NPRL3: variants seen among roughly 807,000 people sequenced by gnomAD.
The protein encoded by NPRL3 is NPR3 like, GATOR1 complex subunit, also known as GATOR1 complex protein NPRL3.
Under a neutral mutation model 57.2 loss-of-function variants are expected in NPRL3, and 23 were observed. The observed-to-expected ratio is 0.40, with a 90% CI of 0.29 to 0.57. The LOEUF is 0.57. Among genes scored for constraint, NPRL3 ranks in the 20% least tolerant of loss-of-function variants. The pLI is 0.42. For synonymous variants in NPRL3, 333 were observed against 321.1 expected (o/e 1.04, Z -0.39); for missense variants, 691 against 767.1 (o/e 0.90, Z 1.17).
Position 85,811 on chromosome 16 carries a change from GT to G in NPRL3, c.*893del. On this transcript the variant is annotated 3_prime_UTR_variant, in exon 14 of 14. Transcript: ENST00000611875. ...CCTGCCCAGACAAGATTTTTTAATTGTTTAAAAACCGAATAAATGTTTTATT... is the reference window on the plus strand; with the variant it reads ...CCTGCCCAGACAAGATTTTTTAATTGTTAAAAACCGAATAAATGTTTTATT... The G allele has an allele frequency of 6.9e-7, 1 of 1,452,584 alleles. No individual in the cohort carries two copies. The highest frequency in any genetic ancestry group is 9.1e-7 in the Non-Finnish European group (1 of 1,100,598). The allele number at this position is 1,452,584 out of a possible 1,614,324, so 90.0% of individuals were successfully genotyped here.
chr16:85,962 G>A lies in NPRL3; in HGVS notation c.*743C>T. On this transcript the variant is annotated 3_prime_UTR_variant, in exon 14 of 14. Transcript: ENST00000611875. ...TAGCGCCAGGCCCGGTGTGGATGCT[G>A]GGGAGAATCATCAGTGTGGGAGCCG... 1 of 681,778 alleles carries A rather than the reference G, an allele frequency of 1.5e-6. No homozygotes were observed. The highest frequency in any genetic ancestry group is 4.9e-5 in the South Asian group (1 of 20,508). The allele number at this position is 681,778 out of a possible 1,614,324, so 42.2% of individuals were successfully genotyped here.
chr16:118,485 G>C (rs909798417), intron 4 of NPRL3, among the ~76,000 whole-genome samples: 12 of 152,054 alleles, frequency 7.9e-5, no homozygotes. Flanking sequence ...AAAATTCAAG[G>C]GTTTCACGAT....
chr16:97,159 C>T (rs568627473), intron 9 of NPRL3, among the ~76,000 whole-genome samples: 81 of 152,358 alleles, frequency 5.3e-4, no homozygotes, highest in African/African-American at 1.9e-3. Flanking sequence ...TCAATGGTCC[C>T]GTGGCTCTGG....
chr16:134,694 A>ATTTTTTTTTTTT (rs34425237), intron 2 of NPRL3, among the ~76,000 whole-genome samples: 2 of 103,412 alleles, frequency 1.9e-5, no homozygotes, highest in African/African-American at 3.4e-5. Context: ...AATTATTATT[A>ATTTTTTTTTTTT]TTTTTTTTTT....
chr16:119,311 T>C (rs1387112535), intron 3 of NPRL3, 56 bp from the exon 4 acceptor site: 3 of 1,529,130 alleles, frequency 2.0e-6, no homozygotes, highest in Middle Eastern at 1.7e-4. Flanking sequence ...CACAGCACCA[T>C]GCCCTGCTGG....
At position 89,886 on chromosome 16, in the gene NPRL3, A is replaced by G; in HGVS notation, c.1178T>C (p.Met393Thr). ...CCGGCGCTGCAGCATCCACACCACC[A>G]TCTGGATGAGCTGGGTCTGCGGGTG... ...PAVQETQLIQ[M>T]VVWMLQRRLL... The change falls in exon 12 of 14, where the codon ATG becomes ACG. Residue 393 changes from methionine (M) to threonine (T), a missense_variant. Met to Thr is a moderately conservative substitution (Grantham distance 81). Transcript: ENST00000611875. 1.3e-6 allele frequency: 2 copies of G among 1,551,934 alleles called. No individual in the cohort carries two copies. The highest frequency in any genetic ancestry group is 2.4e-5 in the East Asian group (1 of 40,834).
intron 3 of NPRL3, among the ~76,000 whole-genome samples, chr16:122,445 CAG>C (rs1291421374): frequency 2.2e-4 from 33 of 152,126 alleles, no homozygotes; most frequent in Admixed American, 2.1e-3. Flanking sequence ...CACATAAAGA[CAG>C]AGTTATATTC....
chr16:120,676 G>A (rs1900244669), intron 3 of NPRL3, among the ~76,000 whole-genome samples: 1 of 152,138 alleles, frequency 6.6e-6, no homozygotes, highest in African/African-American at 2.4e-5. Context: ...GGTTGCAGTT[G>A]GACCTTCTGA....
intron 2 of NPRL3, among the ~76,000 whole-genome samples, chr16:132,561 T>C (rs1900857531): frequency 6.6e-6 from 1 of 152,274 alleles, no homozygotes; most frequent in Admixed American, 6.5e-5. Context: ...ATGTTCTTAA[T>C]GGCATCTATA....
chr16:112,576 C>T (rs770619319), intron 6 of NPRL3, 46 bp downstream of exon 6: 3 of 1,447,030 alleles, frequency 2.1e-6, no homozygotes, highest in Non-Finnish European at 2.8e-6. Context: ...GCAGAGAGGC[C>T]ACCAGCCAGC....
At chr16:121,797 G>T (rs973224860) in intron 3 of NPRL3, among the ~76,000 whole-genome samples, 1 of 151,760 alleles carries the variant, frequency 6.6e-6, no homozygotes, top group Admixed American at 6.6e-5. Context: ...TTTTTGAGAC[G>T]AAGTCTTGCT....
intron 7 of NPRL3, among the ~76,000 whole-genome samples, chr16:107,363 G>A (rs1157652396): frequency 3.1e-3 from 7 of 2,274 alleles, no homozygotes; most frequent in South Asian, 0.029. Context: ...TAAAGTCAAC[G>A]AGCCGGGCAC....
rs78578728 is a variant in NPRL3, at chr16:97,935, G to A, written c.924+210C>T. Among the ~76,000 whole-genome samples the A allele has an allele frequency of 0.019, 2,848 of 152,220 alleles. 89 individuals are homozygous for A. Among genetic ancestry groups the A allele is most frequent in the African/African-American group, 0.062 (2,589 of 41,502 alleles). On this transcript the variant is annotated intron_variant, in intron 9 of 13. Transcript: ENST00000611875. ...TGAGACAGAAGAACAAGTCAGTCCC[G>A]TGGCTCACTCACAAAGCCAGCCCTG...
intron 11 of NPRL3, among the ~76,000 whole-genome samples, chr16:91,255 T>C (rs1898752320): frequency 1.3e-5 from 2 of 151,742 alleles, no homozygotes. Flanking sequence ...GGCGGGCACC[T>C]GTAAACCCAG....
rs755120736 is a variant in NPRL3 at position 112,634 on chromosome 16, C to T, written c.535G>A (p.Ala179Thr). The change falls in exon 6 of 14, where the codon GCC becomes ACC. Residue 179 changes from alanine (A) to threonine (T), a missense_variant. Ala to Thr is a moderately conservative substitution (Grantham distance 58). Transcript: ENST00000611875. The part of the protein sequence containing the change: ...LILALQDEVS[A>T]MADGNEGPQS... ...CTGCTGCACTCACCATCAGCCATGGCGGACACCTCATCCTGGAGCGCCAGG... is the reference window on the plus strand; with the variant it reads ...CTGCTGCACTCACCATCAGCCATGGTGGACACCTCATCCTGGAGCGCCAGG... The T allele has an allele frequency of 5.0e-6, 8 of 1,587,714 alleles. No homozygotes were observed. Among genetic ancestry groups the T allele is most frequent in the African/African-American group, 1.3e-5 (1 of 74,340 alleles).
At chr16:90,009 G>C (rs207475736) in intron 11 of NPRL3, 107 bp from the exon 12 acceptor site, 9 of 1,070,852 alleles carry the variant, frequency 8.4e-6, no homozygotes, top group East Asian at 3.0e-5. Context: ...TCCCTGTGCT[G>C]ACGCACAGGC....
intron 9 of NPRL3, 121 bp downstream of exon 9, chr16:98,024 T>A: frequency 8.0e-7 from 1 of 1,252,068 alleles, no homozygotes. Flanking sequence ...CACCCCATGG[T>A]GGGCTGTGCC....
Position 86,807 on chromosome 16 carries a change from C to T in NPRL3, c.1608G>A (p.Arg536=), listed in dbSNP as rs1298033618. ...LEEIMYNENT[R]RSQLLMLFDK... ...CAAACAGCATGAGCAGCTGGGAGCG[C>T]CGCGTGTTCTCGTTGTACATAATCT... The change falls in exon 14 of 14, where the codon CGG becomes CGA. Residue 536 remains arginine, a synonymous_variant. Coordinates refer to ENST00000611875, the MANE Select transcript of NPRL3 (RefSeq NM_001077350.3). 1 of 1,612,588 alleles carries T rather than the reference C, an allele frequency of 6.2e-7. No individual in the cohort carries two copies.
At chr16:132,651 C>A (rs1434842936) in intron 2 of NPRL3, among the ~76,000 whole-genome samples, 1 of 151,854 alleles carries the variant, frequency 6.6e-6, no homozygotes, top group Non-Finnish European at 1.5e-5. Flanking sequence ...GCAGCTATAG[C>A]CTTACAAATT....
Sources: allele counts gnomAD v4.1 joint callset (sites outside exome capture counted in the v4.1 genomes callset), GRCh38; gene constraint gnomAD v4.1.1; transcripts MANE v1.5; gene names NCBI Gene and HGNC (gene_info 2026-07-23, HGNC 2026-07-21).